Variants in PEX5 observed in about 807,000 individuals in gnomAD.
The protein encoded by PEX5 is peroxisomal biogenesis factor 5, also known as PTS1 receptor.
PEX5 carries 52 observed loss-of-function variants against 82.9 expected under a neutral mutation model. The ratio of observed to expected loss-of-function variants is 0.63; its 90% CI spans 0.50 to 0.79. The LOEUF (loss-of-function observed/expected upper bound fraction) is 0.79. Among genes scored for constraint, PEX5 ranks in the 30% least tolerant of loss-of-function variants. The probability of loss-of-function intolerance (pLI) is 0.00; values close to 1 mark genes in which losing one functional copy is unlikely to be tolerated. For synonymous variants in PEX5, 300 were observed against 318.8 expected (o/e 0.94, Z 0.63); for missense variants, 719 against 815.2 (o/e 0.88, Z 1.44).
chr12:7,192,988 C>T lies in PEX5; in HGVS notation c.448+1288C>T, dbSNP rs115961429. 4.8e-3 allele frequency among the ~76,000 whole-genome samples: 732 copies of T among 152,308 alleles called. 4 individuals are homozygous for T. The highest frequency in any genetic ancestry group is 0.017 in the African/African-American group (688 of 41,558). The stretch of plus-strand genomic sequence containing the variant: ...TAAGATCTGTGGGTCTCTTTTATCA[C>T]GTGTCTCTTTCCCACCCATAAGTTG... On this transcript the variant is annotated intron_variant, in intron 5 of 15. Transcript: ENST00000675855.
At chr12:7,204,726 C>T (rs1944551226) in intron 10 of PEX5, among the ~76,000 whole-genome samples, 1 of 152,156 alleles carries the variant, frequency 6.6e-6, no homozygotes. Context: ...AATGTCCATG[C>T]TTTTCATACA....
intron 5 of PEX5, among the ~76,000 whole-genome samples, chr12:7,194,033 G>A (rs1173791500): frequency 1.3e-5 from 2 of 152,120 alleles, no homozygotes; most frequent in Non-Finnish European, 2.9e-5. Flanking sequence ...AATGAATTGA[G>A]ATCTGGGAGA....
chr12:7,217,527 A>G (rs1945814377), intron 17 of PEX5, among the ~76,000 whole-genome samples: 1 of 152,374 alleles, frequency 6.6e-6, no homozygotes, highest in Non-Finnish European at 1.5e-5. Context: ...AAAATGACAG[A>G]GCAGGAACTG....
Position 7,210,945 on chromosome 12 carries a change from G to C in PEX5, c.*722G>C, listed in dbSNP as rs886049831. ...TTGTGAAATGAGGCTGGGTGGGAGC[G>C]GGGAGGGACTAGATCAGAAGAGATC... On this transcript the variant is annotated 3_prime_UTR_variant, in exon 16 of 16. Transcript: ENST00000675855. The C allele has an allele frequency of 1.2e-5, 2 of 162,318 alleles. No individual in the cohort carries two copies. Among genetic ancestry groups the C allele is most frequent in the Non-Finnish European group, 2.7e-5 (2 of 72,968 alleles). 10.1% of individuals were successfully genotyped at this position (162,318 alleles called of 1,614,324 possible).
chr12:7,200,448 G>C (rs1943667910), intron 6 of PEX5, among the ~76,000 whole-genome samples: 1 of 152,050 alleles, frequency 6.6e-6, no homozygotes, highest in South Asian at 2.1e-4. Flanking sequence ...CCAGACGATG[G>C]GCGGCCAGGC....
At chr12:7,201,302 T>TA (rs1222289585) in intron 6 of PEX5, among the ~76,000 whole-genome samples, 2 of 28,926 alleles carry the variant, frequency 6.9e-5, no homozygotes, top group Non-Finnish European at 1.7e-4. Context: ...TATACACACA[T>TA]ACACATACAC....
chr12:7,201,338 T>TAA (rs757545351), intron 6 of PEX5, among the ~76,000 whole-genome samples: 1,183 of 12,770 alleles, frequency 0.093, 17 homozygotes, highest in African/African-American at 0.12. Context: ...CACATACACG[T>TAA]ATATATACAT....
chr12:7,190,863 G>T (rs370884515), intron 2 of PEX5, 25 bp from the exon 3 acceptor site: 27 of 1,610,474 alleles, frequency 1.7e-5, no homozygotes, highest in East Asian at 1.6e-4. Context: ...CTGCGTCATT[G>T]TACATCTCTG....
chr12:7,207,825 T>C, intron 11 of PEX5, 23 bp downstream of exon 11: 1 of 1,612,996 alleles, frequency 6.2e-7, no homozygotes, highest in Non-Finnish European at 8.5e-7. Flanking sequence ...ATAGTCTCAT[T>C]TCTGGCTAGA....
chr12:7,216,300 A>C (rs1471671799), downstream of PEX5, among the ~76,000 whole-genome samples: 3 of 152,140 alleles, frequency 2.0e-5, no homozygotes, highest in Non-Finnish European at 4.4e-5. Context: ...CCATATATAC[A>C]TTACCTACTC....
chr12:7,192,851 C>T (rs1167065662), intron 5 of PEX5, among the ~76,000 whole-genome samples: 5 of 152,186 alleles, frequency 3.3e-5, no homozygotes, highest in South Asian at 2.1e-4. Flanking sequence ...TCTTCTTACC[C>T]GAAGCCTATC....
chr12:7,197,152 A>ATATGTCATATATAATGTAATTATG lies in PEX5; in HGVS notation c.449-1836_449-1835insGTATGTCATATATAATGTAATTAT, dbSNP rs1565686516. Among the ~76,000 whole-genome samples, 5 of 110,592 alleles carry ATATGTCATATATAATGTAATTATG rather than the reference A, an allele frequency of 4.5e-5. 2 individuals carry two copies. The highest frequency in any genetic ancestry group is 9.0e-5 in the Non-Finnish European group (5 of 55,558). 72.6% of individuals were successfully genotyped at this position (110,592 alleles called of 152,430 possible). On this transcript the variant is annotated intron_variant, in intron 5 of 15. Transcript: ENST00000675855. ...ATGTCATATATAATGTAATAATTAT[A>ATATGTCATATATAATGTAATTATG]TATGTCATATATAATGTAATTATAT...
At chr12:7,190,693 C>T (rs999385440) in intron 2 of PEX5, 169 bp downstream of exon 2, 4 of 1,446,264 alleles carry the variant, frequency 2.8e-6, no homozygotes, top group Non-Finnish European at 3.8e-6. Flanking sequence ...GGTATAACTG[C>T]TTTCTCTATT....
At chr12:7,217,785 G>A (rs1945819307) in intron 17 of PEX5, among the ~76,000 whole-genome samples, 1 of 152,200 alleles carries the variant, frequency 6.6e-6, no homozygotes, top group Admixed American at 6.5e-5. Flanking sequence ...AATGACTTAG[G>A]GGGCCAACAG....
chr12:7,199,342 G>C (rs1219697991), intron 6 of PEX5, among the ~76,000 whole-genome samples: 4 of 151,142 alleles, frequency 2.6e-5, no homozygotes, highest in Non-Finnish European at 4.4e-5. Context: ...CTAGGCAGAG[G>C]ACCCTGCGGC....
At chr12:7,212,464 G>GAAAAAAAA (rs5796271), downstream of PEX5, among the ~76,000 whole-genome samples, 6 of 96,274 alleles carry the variant, frequency 6.2e-5, no homozygotes, top group Admixed American at 1.2e-4. Context: ...AAAGCTGCCA[G>GAAAAAAAA]AAAAAAAAAA....
chr12:7,201,447 T>C (rs1944025007), intron 6 of PEX5, among the ~76,000 whole-genome samples: 1 of 152,206 alleles, frequency 6.6e-6, no homozygotes, highest in South Asian at 2.1e-4. Flanking sequence ...CTATCCTATA[T>C]GACGTTCATA....
intron 10 of PEX5, among the ~76,000 whole-genome samples, chr12:7,207,391 T>G (rs1944936345): frequency 6.6e-6 from 1 of 152,316 alleles, no homozygotes; most frequent in South Asian, 2.1e-4. Flanking sequence ...GATGACTTCC[T>G]AAAATAAGCT....
At position 7,203,552 on chromosome 12, in the gene PEX5, G is replaced by C. The variant is rs2136176386; in HGVS notation, c.966+1G>C. On this transcript the variant is annotated splice_donor_variant, in intron 10 of 15. Transcript: ENST00000675855. LOFTEE classifies it high-confidence loss of function. Reference sequence around the variant, plus strand: ...CCTTACGTCAGCTACCTATGATAAGGTGAGGTAAAAACTCTTAGTTTTTCA... The same window carrying C: ...CCTTACGTCAGCTACCTATGATAAGCTGAGGTAAAAACTCTTAGTTTTTCA... 1.4e-5 allele frequency: 23 copies of C among 1,613,400 alleles called. No individual in the cohort carries two copies. The highest frequency in any genetic ancestry group is 1.9e-5 in the Non-Finnish European group (22 of 1,179,770).
Sources: allele counts gnomAD v4.1 joint callset (sites outside exome capture counted in the v4.1 genomes callset), GRCh38; gene constraint gnomAD v4.1.1; transcripts MANE v1.5; gene names NCBI Gene and HGNC (gene_info 2026-07-23, HGNC 2026-07-21).